Variants in PARP8 observed in about 807,000 individuals in gnomAD.
The protein encoded by PARP8 is protein mono-ADP-ribosyltransferase PARP8.
In PARP8, 51 loss-of-function variants were observed where a neutral mutation model predicts 124.1. That is an observed-to-expected ratio of 0.41 (90% confidence interval 0.33 to 0.52). PARP8 has a LOEUF of 0.52. Among genes scored for constraint, PARP8 ranks in the 20% least tolerant of loss-of-function variants. PARP8 has a pLI of 0.21. For missense variants in PARP8, 860 were observed against 1,018.9 expected (o/e 0.84, Z 2.12); for synonymous variants, 391 against 361.5 (o/e 1.08, Z -0.93).
chr5:50,759,550 A>AAAGT (rs1760323603), intron 3 of PARP8, 93 bp from the exon 4 acceptor site: 3 of 1,329,366 alleles, frequency 2.3e-6, no homozygotes, highest in Non-Finnish European at 3.0e-6. Flanking sequence ...AGTTGGAACT[A>AAAGT]AAGTGATGTG....
Position 50,666,877 on chromosome 5 carries a change from C to T in PARP8, c.-219C>T. On this transcript the variant is annotated 5_prime_UTR_variant, in exon 1 of 26. Transcript: ENST00000281631. ...GCGGCGAGCAGCAGCTGGGCGGTCA[C>T]ATCTGGGAATGCAAAGCCGACCTCC... 2.1e-6 allele frequency: 3 copies of T among 1,403,440 alleles called. No individual in the cohort carries two copies. Among genetic ancestry groups the T allele is most frequent in the Non-Finnish European group, 2.8e-6 (3 of 1,081,902 alleles). 86.9% of individuals were successfully genotyped at this position (1,403,440 alleles called of 1,614,324 possible).
intron 2 of PARP8, among the ~76,000 whole-genome samples, chr5:50,729,739 T>C (rs1162249002): frequency 6.6e-6 from 1 of 152,238 alleles, no homozygotes; most frequent in East Asian, 1.9e-4. Flanking sequence ...TCTTCTTTAC[T>C]GATAAATTTG....
chr5:50,749,174 T>C (rs1758945655), intron 2 of PARP8, among the ~76,000 whole-genome samples: 1 of 152,214 alleles, frequency 6.6e-6, no homozygotes, highest in Non-Finnish European at 1.5e-5. Flanking sequence ...TTTCTGATTA[T>C]ATTGGATTCA....
intron 14 of PARP8, 128 bp from the exon 15 acceptor site, chr5:50,815,304 G>T: frequency 3.4e-6 from 2 of 585,076 alleles, no homozygotes. Flanking sequence ...TATTAAAATG[G>T]TATGATTTCC....
At chr5:50,697,849 T>A (rs1753194153) in intron 2 of PARP8, among the ~76,000 whole-genome samples, 2 of 152,218 alleles carry the variant, frequency 1.3e-5, no homozygotes, top group African/African-American at 2.4e-5. Context: ...CAATAATGTG[T>A]TTCAGCATAT....
At chr5:50,797,774 C>T (rs1232362499) in intron 14 of PARP8, among the ~76,000 whole-genome samples, 5 of 152,016 alleles carry the variant, frequency 3.3e-5, no homozygotes, top group East Asian at 1.9e-4. Flanking sequence ...TTGGAGAGAA[C>T]GATTCAATTT....
intron 14 of PARP8, among the ~76,000 whole-genome samples, chr5:50,798,533 G>A (rs546658784): frequency 1.3e-5 from 2 of 150,990 alleles, no homozygotes; most frequent in African/African-American, 2.4e-5. Context: ...CCATTCTCCT[G>A]CCTCAGCCTC....
chr5:50,763,565 T>G lies in PARP8; in HGVS notation c.518+323T>G, dbSNP rs1053137378. Among the ~76,000 whole-genome samples the G allele has an allele frequency of 2.2e-4, 34 of 152,060 alleles. 1 individual carries two copies. The highest frequency in any genetic ancestry group is 1.3e-4 in the Admixed American group (2 of 15,258). On this transcript the variant is annotated intron_variant, in intron 7 of 25. Transcript: ENST00000281631. ...GCTGTTATCATAAATCATGGCCACA[T>G]GCTTGTGAAGGATAAAAGTAAATGA...
At chr5:50,833,290 G>T in intron 23 of PARP8, 1 of 329,402 alleles carries the variant, frequency 3.0e-6, no homozygotes, top group Non-Finnish European at 6.0e-6. Flanking sequence ...GGTCAGGAAA[G>T]GATACTCTGA....
chr5:50,671,444 A>C (rs530640729), intron 2 of PARP8, among the ~76,000 whole-genome samples: 1 of 152,160 alleles, frequency 6.6e-6, no homozygotes, highest in Non-Finnish European at 1.5e-5. Flanking sequence ...TCAGCCAGGA[A>C]TGTATTGTGA....
chr5:50,672,722 A>G (rs1217334436), intron 2 of PARP8, among the ~76,000 whole-genome samples: 1 of 152,180 alleles, frequency 6.6e-6, no homozygotes, highest in Non-Finnish European at 1.5e-5. Context: ...TAGGGGCCCT[A>G]ATCCACCTGG....
intron 2 of PARP8, among the ~76,000 whole-genome samples, chr5:50,732,705 G>A (rs556376015): frequency 4.6e-5 from 7 of 151,618 alleles, no homozygotes; most frequent in Admixed American, 6.6e-5. Context: ...TGCAAGCTCC[G>A]CCACCCGGGT....
intron 2 of PARP8, among the ~76,000 whole-genome samples, chr5:50,732,223 T>C (rs1757041149): frequency 6.6e-6 from 1 of 152,166 alleles, no homozygotes; most frequent in Non-Finnish European, 1.5e-5. Context: ...ATACGATACA[T>C]AGTAATTTAG....
intron 2 of PARP8, among the ~76,000 whole-genome samples, chr5:50,745,609 G>A (rs78335770): frequency 0.013 from 2,018 of 152,216 alleles, 19 homozygotes; most frequent in Non-Finnish European, 0.022. Context: ...CCCTCTAACT[G>A]GAGGTAGACA....
rs532138021 is a variant in PARP8 at position 50,818,097 on chromosome 5, T to G, written c.1668+2573T>G. ...ATATATGTGTGTAACTTGTTGTCCATAGCATGCATCATATATACTAAGATT... is the reference window on the plus strand; with the variant it reads ...ATATATGTGTGTAACTTGTTGTCCAGAGCATGCATCATATATACTAAGATT... On this transcript the variant is annotated intron_variant, in intron 15 of 25. Transcript: ENST00000281631. 3.3e-5 allele frequency among the ~76,000 whole-genome samples: 5 copies of G among 151,802 alleles called. No individual in the cohort carries two copies. In the South Asian group the frequency reaches 1.0e-3, roughly 32 times the overall value.
chr5:50,728,266 T>A (rs573617834), intron 2 of PARP8, among the ~76,000 whole-genome samples: 9 of 152,196 alleles, frequency 5.9e-5, no homozygotes, highest in Non-Finnish European at 1.2e-4. Context: ...TCATTGATAT[T>A]GTAATTTTAG....
At chr5:50,835,118 G>A (rs1747420704) in intron 25 of PARP8, 103 bp downstream of exon 25, 2 of 845,064 alleles carry the variant, frequency 2.4e-6, no homozygotes, top group Admixed American at 2.4e-5. Context: ...AATATAACAG[G>A]TAATTGAGTT....
intron 15 of PARP8, among the ~76,000 whole-genome samples, chr5:50,820,393 G>T (rs1274160063): frequency 1.3e-5 from 2 of 152,202 alleles, no homozygotes; most frequent in Non-Finnish European, 1.5e-5. Flanking sequence ...CATTTAGGCA[G>T]TATCAGTTTT....
intron 10 of PARP8, among the ~76,000 whole-genome samples, chr5:50,791,869 G>A (rs1369085222): frequency 2.6e-5 from 4 of 152,030 alleles, no homozygotes; most frequent in African/African-American, 7.2e-5. Context: ...TTAAAAGTGC[G>A]AATCAAAATA....
Sources: gnomAD v4.1 joint callset for allele counts (sites outside exome capture counted in the v4.1 genomes callset) on GRCh38, gnomAD v4.1.1 for gene constraint, MANE v1.5 for transcripts, NCBI Gene and HGNC (gene_info 2026-07-23, HGNC 2026-07-21) for gene names.